Variants in PRRC2B observed in about 807,000 individuals in gnomAD.
PRRC2B encodes the protein proline rich coiled-coil 2B.
Under a neutral mutation model 242.3 loss-of-function variants are expected in PRRC2B, and 68 were observed. The ratio of observed to expected loss-of-function variants is 0.28; its 90% confidence interval spans 0.23 to 0.34. The LOEUF is 0.34. Among genes scored for constraint, PRRC2B ranks in the 10% least tolerant of loss-of-function variants. PRRC2B has a pLI of 1.00. For synonymous variants in PRRC2B, 1,228 were observed against 1,173.6 expected (o/e 1.05, Z -0.95); for missense variants, 2,835 against 2,954.8 (o/e 0.96, Z 0.94).
chr9:131,380,692 C>T (rs1383434141), intron 1 of PRRC2B, among the ~76,000 whole-genome samples: 1 of 151,758 alleles, frequency 6.6e-6, no homozygotes, highest in Non-Finnish European at 1.5e-5. Flanking sequence ...GCCTGGCCAA[C>T]ATGGTGAAAT....
chr9:131,467,881 A>G, intron 13 of PRRC2B, 128 bp downstream of exon 13: 1 of 902,656 alleles, frequency 1.1e-6, no homozygotes, highest in Non-Finnish European at 1.7e-6. Flanking sequence ...TGTGCCCCCA[A>G]GACCAGTGGG....
chr9:131,426,370 AAAAAG>A (rs1837978365), intron 1 of PRRC2B, among the ~76,000 whole-genome samples: 1 of 150,008 alleles, frequency 6.7e-6, no homozygotes, highest in South Asian at 2.1e-4. Context: ...AGAAAAAGAA[AAAAAG>A]AAGAAGAAGA....
At chr9:131,450,519 C>T (rs1163014083) in intron 9 of PRRC2B, among the ~76,000 whole-genome samples, 2 of 151,302 alleles carry the variant, frequency 1.3e-5, no homozygotes, top group African/African-American at 4.9e-5. Flanking sequence ...CCCACCTCAG[C>T]ATCCCAAAGT....
Position 131,491,295 on chromosome 9 carries a change from C to T in PRRC2B, c.6226-130C>T, listed in dbSNP as rs563548245. Reference sequence around the variant, plus strand: ...GCAGTAGAAATTAGAGCATGTCCTGCTTTATGCAGGCTTTGCTTTAGTTCT... The same window carrying T: ...GCAGTAGAAATTAGAGCATGTCCTGTTTTATGCAGGCTTTGCTTTAGTTCT... On this transcript the variant is annotated intron_variant, in intron 28 of 31. Coordinates refer to ENST00000683519, the MANE Select transcript of PRRC2B (RefSeq NM_013318.4). 112 of 963,148 alleles carry T rather than the reference C, an allele frequency of 1.2e-4. 1 individual carries two copies. The African/African-American group carries it at 1.5e-3, about 13-fold the overall frequency. The allele number at this position is 963,148 out of a possible 1,614,324, so 59.7% of individuals were successfully genotyped here. A position where few individuals can be genotyped will look rare whatever the true frequency, so the allele number is the denominator to read the frequency against.
At chr9:131,410,498 G>A (rs1005145611) in intron 1 of PRRC2B, among the ~76,000 whole-genome samples, 8 of 152,342 alleles carry the variant, frequency 5.3e-5, no homozygotes, top group Non-Finnish European at 8.8e-5. Flanking sequence ...GGCAGCAGGC[G>A]TCGTTCTTCC....
At chr9:131,465,225 G>A (rs1188641937) in intron 12 of PRRC2B, 147 bp downstream of exon 12, 1 of 806,736 alleles carries the variant, frequency 1.2e-6, no homozygotes, top group Non-Finnish European at 1.9e-6. Flanking sequence ...AAGAGCATAG[G>A]CCTGGGTCAA....
rs116500522 is a variant in PRRC2B at position 131,385,599 on chromosome 9, C to T, written c.-56+11868C>T. 6.9e-3 allele frequency among the ~76,000 whole-genome samples: 1,046 copies of T among 150,734 alleles called. 36 individuals are homozygous for T. Among genetic ancestry groups the T allele is most frequent in the African/African-American group, 0.024 (992 of 41,388 alleles). On this transcript the variant is annotated intron_variant, in intron 1 of 1. Transcript: ENST00000682525. ...AACTTCTGACCTAAATTTCCTTATCCGTAAAGTGGGAGAAATAATAACAGT... is the reference window on the plus strand; with the variant it reads ...AACTTCTGACCTAAATTTCCTTATCTGTAAAGTGGGAGAAATAATAACAGT...
rs540310164 is a variant in PRRC2B, at chr9:131,487,221, G to A, written c.5911G>A (p.Ala1971Thr). 1 of 1,613,658 alleles carries A rather than the reference G, an allele frequency of 6.2e-7. No individual in the cohort carries two copies. The highest frequency in any genetic ancestry group is 1.1e-5 in the South Asian group (1 of 91,034). ...ISLHTSLQAQ[A>T]QLGLRGGLPV... ...CCTTCACACATCTCTGCAGGCACAA[G>A]CTCAGCTTGGACTGAGGGGTGGGCT... The change falls in exon 27 of 32, where the codon GCT (alanine) becomes ACT (threonine). Residue 1971 changes from alanine (A) to threonine (T), a missense_variant. Transcript: ENST00000683519. The surrounding 1 kb of genome is among the most constrained non-coding windows in gnomAD (Gnocchi z 5.3).
intron 1 of PRRC2B, among the ~76,000 whole-genome samples, chr9:131,395,267 A>C (rs766090313): frequency 2.6e-5 from 4 of 151,742 alleles, no homozygotes; most frequent in Non-Finnish European, 5.9e-5. Context: ...ACTTTCCCTA[A>C]GATTTTTTTT....
intron 1 of PRRC2B, among the ~76,000 whole-genome samples, chr9:131,420,502 T>TCTTTCTTTCTTTC (rs1564278677): frequency 5.1e-5 from 5 of 97,956 alleles, no homozygotes; most frequent in Non-Finnish European, 8.4e-5. Context: ...TCTTTTTTTT[T>TCTTTCTTTCTTTC]TTTTTTTTGA....
intron 11 of PRRC2B, among the ~76,000 whole-genome samples, chr9:131,463,716 G>A (rs553436206): frequency 7.1e-6 from 1 of 141,604 alleles, no homozygotes; most frequent in South Asian, 2.3e-4. Context: ...GCAGCCTCCT[G>A]GGCTCAAGTG....
At chr9:131,410,914 AT>A (rs200720770) in intron 1 of PRRC2B, among the ~76,000 whole-genome samples, 1 of 150,330 alleles carries the variant, frequency 6.7e-6, no homozygotes, top group Admixed American at 6.6e-5. Context: ...TTTATATTTC[AT>A]TTTTTTTCGT....
At chr9:131,405,269 G>A (rs1837332224) in intron 1 of PRRC2B, among the ~76,000 whole-genome samples, 1 of 152,186 alleles carries the variant, frequency 6.6e-6, no homozygotes, top group Non-Finnish European at 1.5e-5. Flanking sequence ...GCTGGAAGGA[G>A]GCGATAGACA....
intron 5 of PRRC2B, among the ~76,000 whole-genome samples, chr9:131,441,041 G>A (rs192418168): frequency 6.6e-6 from 1 of 152,296 alleles, no homozygotes; most frequent in East Asian, 1.9e-4. Flanking sequence ...GGTGGAGGCT[G>A]CAGTGAGCTG....
In PRRC2B at chr9:131,419,178, C is replaced by T. The variant is rs565550073; in HGVS notation, c.-51-10916C>T. Among the ~76,000 whole-genome samples the T allele has an allele frequency of 9.9e-5, 15 of 152,212 alleles. No homozygotes were observed. The East Asian group carries it at 2.9e-3, about 29-fold the overall frequency. ...ACGTTTATTGCCCCAAAGTGGGAAG[C>T]CTTGAAACTGGGGCAGTTTAGTGTG... On this transcript the variant is annotated intron_variant, in intron 1 of 31. Transcript: ENST00000683519.
At chr9:131,486,551 G>T in intron 26 of PRRC2B, 1 of 985,070 alleles carries the variant, frequency 1.0e-6, no homozygotes, top group South Asian at 4.7e-5. Flanking sequence ...GGTAGTCTTA[G>T]AAATGAGCAG....
chr9:131,489,016 C>T (rs913683016), intron 28 of PRRC2B, among the ~76,000 whole-genome samples: 2 of 152,056 alleles, frequency 1.3e-5, no homozygotes, highest in African/African-American at 2.4e-5. Flanking sequence ...GTGCCCTCCT[C>T]GCCACTGGTG....
intron 10 of PRRC2B, among the ~76,000 whole-genome samples, chr9:131,456,211 CTTTTTTT>C (rs59184650): frequency 7.2e-6 from 1 of 138,966 alleles, no homozygotes; most frequent in Non-Finnish European, 1.6e-5. Flanking sequence ...AATTTTGTCT[CTTTTTTT>C]TTTTTTTTTT....
intron 1 of PRRC2B, among the ~76,000 whole-genome samples, chr9:131,418,560 G>T (rs1186485213): frequency 1.3e-5 from 2 of 152,224 alleles, no homozygotes; most frequent in African/African-American, 2.4e-5. Flanking sequence ...GCCAGAGACA[G>T]GCCAGCCTGA....
Sources: gnomAD v4.1 joint callset for allele counts (sites outside exome capture counted in the v4.1 genomes callset) on GRCh38, gnomAD v4.1.1 for gene constraint, Gnocchi (gnomAD v3.1) non-coding constraint, MANE v1.5 for transcripts, NCBI Gene and HGNC (gene_info 2026-07-23, HGNC 2026-07-21) for gene names.